The following PHTF1 variants were observed in gnomAD, a reference collection of about 807,000 sequenced individuals.
The protein encoded by PHTF1 is protein PHTF1.
Under a neutral mutation model 102.4 loss-of-function variants are expected in PHTF1, and 88 were observed. That is an observed-to-expected ratio of 0.86 (90% CI 0.72 to 1.03). PHTF1 has a LOEUF of 1.03. Among genes scored for constraint, PHTF1 ranks in the 50% least tolerant of loss-of-function variants. The pLI is 0.00. For missense variants in PHTF1, 814 were observed against 909.5 expected (o/e 0.89, Z 1.35); for synonymous variants, 289 against 305.2 (o/e 0.95, Z 0.55).
chr1:113,754,080 T>C (rs1473630379), intron 3 of PHTF1, among the ~76,000 whole-genome samples: 1 of 152,224 alleles, frequency 6.6e-6, no homozygotes, highest in African/African-American at 2.4e-5. Context: ...CTTTTTATTA[T>C]TCTCAACCAC....
At chr1:113,729,057 G>GATATATACATATATATATATACATA in intron 5 of PHTF1, among the ~76,000 whole-genome samples, 1 of 152,270 alleles carries the variant, frequency 6.6e-6, no homozygotes, top group South Asian at 2.1e-4. Flanking sequence ...AGAAAATGTG[G>GATATATACATATATATATATACATA]TACATATACA....
intron 5 of PHTF1, among the ~76,000 whole-genome samples, chr1:113,727,070 T>G (rs1352742131): frequency 6.6e-6 from 1 of 151,716 alleles, no homozygotes; most frequent in Non-Finnish European, 1.5e-5. Context: ...GAAATGCAAA[T>G]CAAAGCATAT....
chr1:113,713,799 T>C (rs1028201005), intron 7 of PHTF1: 16 of 188,992 alleles, frequency 8.5e-5, no homozygotes, highest in Non-Finnish European at 1.7e-4. Context: ...TAGGTGCACA[T>C]GACCTATTGA....
chr1:113,745,438 C>T (rs1571234497), intron 3 of PHTF1, among the ~76,000 whole-genome samples: 2 of 152,198 alleles, frequency 1.3e-5, no homozygotes, highest in East Asian at 3.9e-4. Flanking sequence ...CAGGAGTGGA[C>T]AAAATTTTTC....
chr1:113,758,891 G>A, intron 1 of PHTF1, 132 bp downstream of exon 1: 1 of 1,308,696 alleles, frequency 7.6e-7, no homozygotes, highest in Non-Finnish European at 9.7e-7. Context: ...AAAAAAAACT[G>A]GCGCAGCGGC....
At chr1:113,721,709 A>G (rs1652973121) in intron 7 of PHTF1, among the ~76,000 whole-genome samples, 1 of 152,202 alleles carries the variant, frequency 6.6e-6, no homozygotes. Flanking sequence ...CTTTTTTTTG[A>G]GACAGAGTCT....
At chr1:113,740,763 C>T (rs1435655059) in intron 3 of PHTF1, among the ~76,000 whole-genome samples, 1 of 152,166 alleles carries the variant, frequency 6.6e-6, no homozygotes, top group East Asian at 1.9e-4. Context: ...GGTGCAGTGG[C>T]TCACCCCTAT....
chr1:113,698,620 T>TACACACACACACACAC (rs56167437), intron 17 of PHTF1, among the ~76,000 whole-genome samples: 2 of 49,672 alleles, frequency 4.0e-5, no homozygotes, highest in Non-Finnish European at 1.6e-4. Context: ...TATATATATA[T>TACACACACACACACAC]ACACACACAC....
rs989504811 is a variant in PHTF1 at position 113,698,408 on chromosome 1, T to C, written c.2143-21A>G. The C allele has an allele frequency of 1.2e-5, 19 of 1,609,004 alleles. No homozygotes were observed. The African/African-American group carries it at 2.0e-4, about 17-fold the overall frequency. On this transcript the variant is annotated intron_variant, in intron 17 of 18. Transcript: ENST00000369604. The stretch of plus-strand genomic sequence containing the variant: ...AGCTCCTACAAAAAACATCAAAGAA[T>C]TGAAATGAGATACATGTTTTCTCAT...
In PHTF1 at chr1:113,726,575, CT is replaced by C; in HGVS notation, c.332-2del. ...ATCAAATATAAGACAATTGCTATAACTGAAAAGAAGAGGTTTTAAGATGTAA... is the reference window on the plus strand; with the variant it reads ...ATCAAATATAAGACAATTGCTATAACGAAAAGAAGAGGTTTTAAGATGTAA... On this transcript the variant is annotated splice_acceptor_variant, in intron 5 of 18. Coordinates refer to ENST00000369604, the MANE Select transcript of PHTF1 (RefSeq NM_001323043.2). LOFTEE classifies it high-confidence loss of function. 4 of 1,557,538 alleles carry C rather than the reference CT, an allele frequency of 2.6e-6. No homozygotes were observed. The highest frequency in any genetic ancestry group is 3.5e-6 in the Non-Finnish European group (4 of 1,151,482).
At chr1:113,756,957 G>C (rs997780004) in intron 3 of PHTF1, among the ~76,000 whole-genome samples, 2 of 152,068 alleles carry the variant, frequency 1.3e-5, no homozygotes, top group African/African-American at 4.8e-5. Flanking sequence ...CACAAGGTCA[G>C]GAGATCGAGA....
At chr1:113,725,167 C>G (rs1653643764) in intron 6 of PHTF1, among the ~76,000 whole-genome samples, 1 of 151,970 alleles carries the variant, frequency 6.6e-6, no homozygotes, top group Admixed American at 6.6e-5. Context: ...CTTGTATGAC[C>G]AAGAGTCTGT....
At chr1:113,733,970 A>G (rs1164227406) in intron 5 of PHTF1, among the ~76,000 whole-genome samples, 1 of 152,188 alleles carries the variant, frequency 6.6e-6, no homozygotes, top group Admixed American at 6.5e-5. Flanking sequence ...ATCAGAAAGA[A>G]AAGAGGAGGC....
At chr1:113,704,032 T>A in intron 15 of PHTF1, 49 bp downstream of exon 15, 1 of 1,187,464 alleles carries the variant, frequency 8.4e-7, no homozygotes, top group Non-Finnish European at 1.2e-6. Flanking sequence ...GAAAGTGAAC[T>A]CTATAATAGA....
rs1650125499 is a variant in PHTF1, at chr1:113,706,080, T to C, written c.1481A>G (p.His494Arg). 1.9e-6 allele frequency: 3 copies of C among 1,614,124 alleles called. No homozygotes were observed. Among genetic ancestry groups the C allele is most frequent in the South Asian group, 1.1e-5 (1 of 91,084 alleles). The change falls in exon 13 of 19, where the codon CAT (histidine) becomes CGT (arginine). Residue 494 changes from histidine (H) to arginine (R), a missense_variant. Coordinates refer to ENST00000369604, the MANE Select transcript of PHTF1 (RefSeq NM_001323043.2). ...AAGGCTCTTCTCACGGAAAAGTCGA[T>C]GTAAGAATGGAAAAAATGCTAATCC... ...TIGLAFFPFL[H>R]RLFREKSLDQ... is the part of the protein sequence containing the mutation.
At chr1:113,708,217 T>C (rs1451005017) in intron 11 of PHTF1, among the ~76,000 whole-genome samples, 2 of 152,218 alleles carry the variant, frequency 1.3e-5, no homozygotes, top group Non-Finnish European at 2.9e-5. Context: ...CAGAAGCTAC[T>C]GTAATGATCC....
intron 5 of PHTF1, among the ~76,000 whole-genome samples, chr1:113,732,400 G>T (rs1002659690): frequency 6.6e-6 from 1 of 152,092 alleles, no homozygotes; most frequent in Non-Finnish European, 1.5e-5. Context: ...GGAGGCTGAG[G>T]TAGGAGAATT....
At chr1:113,718,174 C>A (rs957634725) in intron 7 of PHTF1, among the ~76,000 whole-genome samples, 1 of 152,124 alleles carries the variant, frequency 6.6e-6, no homozygotes. Context: ...TTGGCCAAAA[C>A]AAAGGGGTTA....
chr1:113,733,905 T>C (rs1419222500), intron 5 of PHTF1, among the ~76,000 whole-genome samples: 3 of 152,086 alleles, frequency 2.0e-5, no homozygotes, highest in Non-Finnish European at 4.4e-5. Context: ...TTGAAGTACA[T>C]AGTAGAAAAA....
Sources: gnomAD v4.1 joint callset for allele counts (sites outside exome capture counted in the v4.1 genomes callset) on GRCh38, gnomAD v4.1.1 for gene constraint, MANE v1.5 for transcripts, NCBI Gene and HGNC (gene_info 2026-07-23, HGNC 2026-07-21) for gene names.